MCTP1: variants seen among roughly 807,000 people sequenced by gnomAD.
The protein encoded by MCTP1 is multiple C2 and transmembrane domain-containing protein 1.
In MCTP1, 69 loss-of-function variants were observed where a neutral mutation model predicts 120.6. That is an observed-to-expected ratio of 0.57 (90% CI 0.47 to 0.70). MCTP1 has a LOEUF of 0.70. MCTP1 is among the 30% of genes least tolerant of loss of function. The probability of loss-of-function intolerance (pLI) is 0.00; values close to 1 mark genes in which losing one functional copy is unlikely to be tolerated. For missense variants in MCTP1, 1,203 were observed against 1,248.8 expected, an observed-to-expected ratio of 0.96 and a Z score of 0.55; for synonymous variants, 529 against 493.1, an observed-to-expected ratio of 1.07 and a Z score of -0.96.
At chr5:94,937,101 C>G (rs1317887393) in intron 5 of MCTP1, among the ~76,000 whole-genome samples, 1 of 152,032 alleles carries the variant, frequency 6.6e-6, no homozygotes, top group East Asian at 1.9e-4. Flanking sequence ...GATCACTGTG[C>G]CTTTTCTAAG....
At chr5:95,017,048 A>T (rs984423113) in intron 2 of MCTP1, among the ~76,000 whole-genome samples, 2 of 152,140 alleles carry the variant, frequency 1.3e-5, no homozygotes, top group African/African-American at 4.8e-5. Context: ...GTAAGTTCTG[A>T]CATGGCTTCA....
chr5:95,154,102 C>A (rs1003242635), intron 1 of MCTP1: 2 of 152,144 alleles, frequency 1.3e-5, no homozygotes, highest in African/African-American at 4.8e-5. Context: ...ATGTAGGAAG[C>A]CTTTGAGTTG....
chr5:94,998,855 G>A (rs2554365), intron 2 of MCTP1, among the ~76,000 whole-genome samples: 103,988 of 152,052 alleles, frequency 0.68, 36,019 homozygotes, highest in Middle Eastern at 0.78. Flanking sequence ...ATAAATATTC[G>A]TAGACATTGC....
rs750034269 is a variant in MCTP1 at position 94,870,479 on chromosome 5, A to G, written c.2254T>C (p.Leu752=). Residue 752 remains leucine, a synonymous_variant, in exon 16 of 23, where the codon TTA becomes CTA. Coordinates refer to ENST00000515393, the MANE Select transcript of MCTP1 (RefSeq NM_024717.7). Reference sequence around the variant, plus strand: ...TGTTCTTTGGGTATTAATGTTCGTAAGCTGGCTTTCACCTATACATCAACA... The same window carrying G: ...TGTTCTTTGGGTATTAATGTTCGTAGGCTGGCTTTCACCTATACATCAACA... ...DVIFNAVKAS[L]RTLIPKEQKY... 6.2e-7 allele frequency: 1 copy of G among 1,610,872 alleles called. No homozygotes were observed. Among genetic ancestry groups the G allele is most frequent in the South Asian group, 1.1e-5 (1 of 91,010 alleles).
At chr5:94,950,402 AC>A (rs1371819943) in intron 3 of MCTP1, among the ~76,000 whole-genome samples, 2 of 151,752 alleles carry the variant, frequency 1.3e-5, no homozygotes, top group African/African-American at 4.8e-5. Flanking sequence ...AAACCCAACA[AC>A]CTTTGGGCTT....
At chr5:94,931,041 A>G (rs1814533983) in intron 6 of MCTP1, 1 of 152,140 alleles carries the variant, frequency 6.6e-6, no homozygotes, top group African/African-American at 2.4e-5. Context: ...AATTAGGGAG[A>G]AAATGTACAG....
At chr5:95,272,383 G>C (rs1759477999) in intron 1 of MCTP1, among the ~76,000 whole-genome samples, 2 of 152,146 alleles carry the variant, frequency 1.3e-5, no homozygotes, top group Admixed American at 6.6e-5. Flanking sequence ...GGCAGAGAAG[G>C]AAGAGCCAAG....
intron 17 of MCTP1, among the ~76,000 whole-genome samples, chr5:94,859,866 A>T (rs1795422091): frequency 6.6e-6 from 1 of 151,704 alleles, no homozygotes; most frequent in African/African-American, 2.4e-5. Flanking sequence ...CAAAAAGATT[A>T]ATTGACTAAG....
At chr5:94,929,718 G>C (rs74558069) in intron 6 of MCTP1, 11 of 977,578 alleles carry the variant, frequency 1.1e-5, no homozygotes, top group Non-Finnish European at 1.3e-5. Flanking sequence ...AGGTGGACTA[G>C]CTAGTAATTG....
intron 1 of MCTP1, among the ~76,000 whole-genome samples, chr5:95,247,009 T>A (rs961974008): frequency 1.3e-5 from 2 of 152,206 alleles, no homozygotes; most frequent in Non-Finnish European, 2.9e-5. Flanking sequence ...CAGCTGTGAA[T>A]CCATTTGGTC....
intron 1 of MCTP1, among the ~76,000 whole-genome samples, chr5:95,210,741 C>T (rs534629810): frequency 6.6e-5 from 10 of 151,686 alleles, no homozygotes; most frequent in African/African-American, 2.4e-4. Context: ...TTATTTTGCT[C>T]GTTAGTTCAC....
rs1757606947 is a variant in MCTP1 at position 95,253,721 on chromosome 5, C to CAAG, written c.720+30132_720+30134dup. 2.6e-5 allele frequency among the ~76,000 whole-genome samples: 4 copies of CAAG among 151,846 alleles called. No individual in the cohort carries two copies. In the South Asian group the frequency reaches 8.3e-4, roughly 32 times the overall value. ...GCAAATCCAAACTAATATAAAAAGA[C>CAAG]AAGATTATTAAAGTTTCTGATAAGA... On this transcript the variant is annotated intron_variant, in intron 1 of 22. Coordinates refer to ENST00000515393, the MANE Select transcript of MCTP1 (RefSeq NM_024717.7).
chr5:95,068,411 C>T (rs936951456), intron 1 of MCTP1, among the ~76,000 whole-genome samples: 3 of 152,084 alleles, frequency 2.0e-5, no homozygotes, highest in African/African-American at 7.2e-5. Context: ...AATCTGATCA[C>T]AATTATTTTT....
At chr5:95,163,068 T>C (rs1745928230) in intron 1 of MCTP1, among the ~76,000 whole-genome samples, 1 of 152,190 alleles carries the variant, frequency 6.6e-6, no homozygotes. Context: ...TCAAAATTTG[T>C]CTTCTTTGTA....
chr5:95,018,503 A>T lies in MCTP1; in HGVS notation c.721-1019T>A, dbSNP rs1053548155. ...CCCTACATTTGTTCGTTAAAGCAGC[A>T]TTTTTTTTTTTTGAGGTTTTAAGAC... On this transcript the variant is annotated intron_variant, in intron 1 of 22. Coordinates refer to ENST00000515393, the MANE Select transcript of MCTP1 (RefSeq NM_024717.7). 3.4e-5 allele frequency among the ~76,000 whole-genome samples: 5 copies of T among 148,434 alleles called. No homozygotes were observed. In the East Asian group the frequency reaches 8.0e-4, roughly 24 times the overall value.
chr5:94,780,951 G>A (rs538620677), intron 18 of MCTP1, among the ~76,000 whole-genome samples: 46 of 152,194 alleles, frequency 3.0e-4, no homozygotes, highest in African/African-American at 1.1e-3. Flanking sequence ...ATATATAGTT[G>A]AAGTGATATA....
chr5:94,730,503 A>G (rs1055813015), intron 19 of MCTP1, among the ~76,000 whole-genome samples: 2 of 152,176 alleles, frequency 1.3e-5, no homozygotes, highest in Non-Finnish European at 2.9e-5. Context: ...AGCTTGGGAA[A>G]AGGGCAGATG....
intron 1 of MCTP1, among the ~76,000 whole-genome samples, chr5:95,130,561 G>A (rs1469735499): frequency 1.3e-5 from 2 of 152,210 alleles, no homozygotes; most frequent in African/African-American, 4.8e-5. Flanking sequence ...CACAGTGTGG[G>A]TGGCTTAAAC....
At chr5:95,176,380 C>T (rs1358902414) in intron 1 of MCTP1, among the ~76,000 whole-genome samples, 1 of 151,804 alleles carries the variant, frequency 6.6e-6, no homozygotes, top group African/African-American at 2.4e-5. Flanking sequence ...CAAAAATTAG[C>T]CAGGTGTGAT....
Sources: allele counts gnomAD v4.1 joint callset (sites outside exome capture counted in the v4.1 genomes callset), GRCh38; gene constraint gnomAD v4.1.1; transcripts MANE v1.5; gene names NCBI Gene and HGNC (gene_info 2026-07-23, HGNC 2026-07-21).